The following STOM variants were observed in gnomAD, a reference collection of about 807,000 sequenced individuals.
The protein encoded by STOM is erythrocyte band 7 integral membrane protein.
In STOM, 25 loss-of-function variants were observed where a neutral mutation model predicts 30.6. That is an observed-to-expected ratio of 0.82 (90% confidence interval 0.60 to 1.14). The LOEUF (loss-of-function observed/expected upper bound fraction) is 1.14, where lower values mean the gene tolerates loss of function less well. Ranked by LOEUF, STOM falls within the 50% of genes most tolerant of loss-of-function variation. The probability of loss-of-function intolerance (pLI) is 0.00; values close to 1 mark genes in which losing one functional copy is unlikely to be tolerated. For synonymous variants in STOM, 118 were observed against 130.8 expected (o/e 0.90, Z 0.67); for missense variants, 292 against 365.2 (o/e 0.80, Z 1.63).
intron 4 of STOM, among the ~76,000 whole-genome samples, chr9:121,351,653 A>G (rs1031593031): frequency 1.3e-5 from 2 of 152,252 alleles, no homozygotes; most frequent in African/African-American, 2.4e-5. Context: ...CTCATGTACA[A>G]TGCATTTAGC....
chr9:121,368,847 G>A (rs2064531122), intron 1 of STOM, among the ~76,000 whole-genome samples: 1 of 151,846 alleles, frequency 6.6e-6, no homozygotes, highest in African/African-American at 2.4e-5. Context: ...GGATGAGGCA[G>A]GAGAATCACT....
In STOM at chr9:121,340,245, G is replaced by A; in HGVS notation, c.*957C>T. On this transcript the variant is annotated 3_prime_UTR_variant, in exon 7 of 7. Transcript: ENST00000286713. ...GAAGGCTCAAATAAGTTAAAACATGGATGTATTTTTAAAATGACCACTCTA... is the reference window on the plus strand; with the variant it reads ...GAAGGCTCAAATAAGTTAAAACATGAATGTATTTTTAAAATGACCACTCTA... The A allele has an allele frequency of 1.0e-6, 1 of 985,294 alleles. No individual in the cohort carries two copies. Among genetic ancestry groups the A allele is most frequent in the South Asian group, 4.7e-5 (1 of 21,268 alleles). 61.0% of individuals were successfully genotyped at this position (985,294 alleles called of 1,614,324 possible).
At chr9:121,351,155 C>T (rs2064335692) in intron 4 of STOM, among the ~76,000 whole-genome samples, 1 of 152,196 alleles carries the variant, frequency 6.6e-6, no homozygotes, top group Non-Finnish European at 1.5e-5. Context: ...TAGGAGAGGG[C>T]CACTGGAAAG....
At chr9:121,349,420 T>C in intron 4 of STOM, 97 bp from the exon 5 acceptor site, 1 of 1,028,226 alleles carries the variant, frequency 9.7e-7, no homozygotes, top group Non-Finnish European at 1.4e-6. Flanking sequence ...TAACACTAGC[T>C]GATTTTCTTT....
intron 4 of STOM, among the ~76,000 whole-genome samples, chr9:121,349,734 G>T (rs562390439): frequency 1.1e-4 from 17 of 152,222 alleles, no homozygotes; most frequent in African/African-American, 3.4e-4. Flanking sequence ...CAAGAGAGAG[G>T]CACTAGAGAG....
At chr9:121,344,694 C>A (rs1303710366) in intron 6 of STOM, among the ~76,000 whole-genome samples, 2 of 152,160 alleles carry the variant, frequency 1.3e-5, no homozygotes, top group Non-Finnish European at 2.9e-5. Context: ...ATTGGTGCTA[C>A]CTGTCCCTTC....
At chr9:121,365,323 A>ATG (rs2064492351) in intron 1 of STOM, among the ~76,000 whole-genome samples, 1 of 152,150 alleles carries the variant, frequency 6.6e-6, no homozygotes, top group Admixed American at 6.5e-5. Context: ...AAGCAGAAGA[A>ATG]TGGGCTGAAC....
At chr9:121,351,148 G>A (rs1284215351) in intron 4 of STOM, among the ~76,000 whole-genome samples, 1 of 152,202 alleles carries the variant, frequency 6.6e-6, no homozygotes, top group Non-Finnish European at 1.5e-5. Flanking sequence ...TGCAGAATAG[G>A]AGAGGGCCAC....
intron 1 of STOM, chr9:121,366,149 G>T (rs771220395): frequency 4.9e-4 from 482 of 985,158 alleles, no homozygotes; most frequent in Non-Finnish European, 5.6e-4. Flanking sequence ...CACAAGTTCA[G>T]TATAGTTTTC....
Position 121,340,995 on chromosome 9 carries a change from T to G in STOM, c.*207A>C. 1 of 1,413,900 alleles carries G rather than the reference T, an allele frequency of 7.1e-7. No individual in the cohort carries two copies. The highest frequency in any genetic ancestry group is 9.2e-7 in the Non-Finnish European group (1 of 1,088,014). 87.6% of individuals were successfully genotyped at this position (1,413,900 alleles called of 1,614,324 possible). On this transcript the variant is annotated 3_prime_UTR_variant, in exon 7 of 7. Transcript: ENST00000286713. Reference sequence around the variant, plus strand: ...CTAAAAATACAAACTTTTAACTATTTTAAGACTAACAGATTACCTTATATA... The same window carrying G: ...CTAAAAATACAAACTTTTAACTATTGTAAGACTAACAGATTACCTTATATA...
At position 121,356,046 on chromosome 9, in the gene STOM, T is replaced by G; in HGVS notation, c.165+7A>C. 6.2e-7 allele frequency: 1 copy of G among 1,612,936 alleles called. No individual in the cohort carries two copies. Among genetic ancestry groups the G allele is most frequent in the Non-Finnish European group, 8.5e-7 (1 of 1,179,082 alleles). On this transcript the variant is annotated splice_region_variant and intron_variant, in intron 2 of 6. Transcript: ENST00000286713. Reference sequence around the variant, plus strand: ...CCCTTCCCAGAAGTGAATGAAATGTTCTTTACCTTTATGCACATCCATATT... The same window carrying G: ...CCCTTCCCAGAAGTGAATGAAATGTGCTTTACCTTTATGCACATCCATATT...
intron 1 of STOM, among the ~76,000 whole-genome samples, chr9:121,361,912 G>A (rs1317601185): frequency 6.6e-6 from 1 of 152,190 alleles, no homozygotes; most frequent in East Asian, 1.9e-4. Context: ...GTTCTCATAA[G>A]GAATACACAA....
chr9:121,360,605 T>G (rs995387321), intron 1 of STOM, among the ~76,000 whole-genome samples: 1 of 152,220 alleles, frequency 6.6e-6, no homozygotes, highest in Non-Finnish European at 1.5e-5. Context: ...TGTATCTTCA[T>G]GAAGAAAAAT....
chr9:121,346,675 A>G (rs879558465), intron 6 of STOM, among the ~76,000 whole-genome samples: 5 of 152,196 alleles, frequency 3.3e-5, no homozygotes, highest in Non-Finnish European at 5.9e-5. Flanking sequence ...AACAGTTTTG[A>G]AAGAAAGCAC....
chr9:121,355,526 A>G (rs1246946438), intron 2 of STOM, among the ~76,000 whole-genome samples: 10 of 152,206 alleles, frequency 6.6e-5, no homozygotes, highest in African/African-American at 2.4e-4. Flanking sequence ...TCTTAGAAAT[A>G]TGTAAATAAT....
Position 121,340,789 on chromosome 9 carries a change from A to T in STOM, c.*413T>A, listed in dbSNP as rs1283787230. ...AAAAGACTCTCTGGAGGTAAGGCACATATGACCTGGAGAAGCTGGTTGTGG... is the reference window on the plus strand; with the variant it reads ...AAAAGACTCTCTGGAGGTAAGGCACTTATGACCTGGAGAAGCTGGTTGTGG... On this transcript the variant is annotated 3_prime_UTR_variant, in exon 7 of 7. Transcript: ENST00000286713. The T allele has an allele frequency of 3.9e-6, 4 of 1,012,796 alleles. No homozygotes were observed. The highest frequency in any genetic ancestry group is 4.7e-6 in the Non-Finnish European group (4 of 845,442). 62.7% of individuals were successfully genotyped at this position (1,012,796 alleles called of 1,614,324 possible). A position where few individuals can be genotyped will look rare whatever the true frequency, so the allele number is the denominator to read the frequency against.
Position 121,339,659 on chromosome 9 carries a change from C to G in STOM, c.*1543G>C, listed in dbSNP as rs1156847075. The G allele has an allele frequency of 8.1e-7, 1 of 1,231,508 alleles. No homozygotes were observed. Among genetic ancestry groups the G allele is most frequent in the Admixed American group, 4.2e-5 (1 of 23,698 alleles). The allele number at this position is 1,231,508 out of a possible 1,614,324, so 76.3% of individuals were successfully genotyped here. A position where few individuals can be genotyped will look rare whatever the true frequency, so the allele number is the denominator to read the frequency against. On this transcript the variant is annotated 3_prime_UTR_variant, in exon 7 of 7. Transcript: ENST00000286713. ...GAGGAAATGTTACAAATGTCACCCG[C>G]CAGCTTTCTGGCCAGTAAGCAGAAT...
At chr9:121,342,366 C>CAAAAA (rs200857952) in intron 6 of STOM, among the ~76,000 whole-genome samples, 1 of 99,250 alleles carries the variant, frequency 1.0e-5, no homozygotes, top group Non-Finnish European at 2.4e-5. Context: ...GAATCTGTCT[C>CAAAAA]AAAAAAAAAA....
intron 4 of STOM, among the ~76,000 whole-genome samples, chr9:121,350,245 G>A (rs947115021): frequency 1.3e-5 from 2 of 152,206 alleles, no homozygotes; most frequent in Admixed American, 6.5e-5. Context: ...GCTCCAGCCT[G>A]GGAATTCCAG....
Sources: allele counts gnomAD v4.1 joint callset (sites outside exome capture counted in the v4.1 genomes callset), GRCh38; gene constraint gnomAD v4.1.1; transcripts MANE v1.5; gene names NCBI Gene and HGNC (gene_info 2026-07-23, HGNC 2026-07-21).